Variants in KHDC1 observed in about 807,000 individuals in gnomAD.
KHDC1 encodes the protein KH homology domain-containing protein 1.
KHDC1 carries 21 observed loss-of-function variants against 24.7 expected under a neutral mutation model. That is an observed-to-expected ratio of 0.85 (90% confidence interval 0.60 to 1.23). The LOEUF is 1.23. Ranked by LOEUF, KHDC1 falls within the 50% of genes most tolerant of loss-of-function variation. KHDC1 has a pLI of 0.00. For missense variants in KHDC1, 274 were observed against 298.5 expected, an observed-to-expected ratio of 0.92 and a Z score of 0.61; for synonymous variants, 98 against 111.7, an observed-to-expected ratio of 0.88 and a Z score of 0.77.
intron 2 of KHDC1, chr6:73,276,612 A>T (rs1767304562): frequency 6.6e-6 from 1 of 152,072 alleles, no homozygotes; most frequent in Non-Finnish European, 1.5e-5. Flanking sequence ...GGCTGCAGTG[A>T]GCAGTGGTTG....
In KHDC1 at chr6:73,262,766, A is replaced by T; in HGVS notation, c.207-20236T>A. The stretch of plus-strand genomic sequence containing the variant: ...TAAGAAATGTGCAAGATCTAGATGA[A>T]GACCCACCAGATAGGATGCTCTCTT... On this transcript the variant is annotated intron_variant, in intron 2 of 4. Coordinates refer to ENST00000370384, the Ensembl canonical transcript of KHDC1. 1 of 985,500 alleles carries T rather than the reference A, an allele frequency of 1.0e-6. No homozygotes were observed. Among genetic ancestry groups the T allele is most frequent in the African/African-American group, 1.7e-5 (1 of 57,380 alleles). 61.0% of individuals were successfully genotyped at this position (985,500 alleles called of 1,614,324 possible). A position where few individuals can be genotyped will look rare whatever the true frequency, so the allele number is the denominator to read the frequency against.
intron 2 of KHDC1, among the ~76,000 whole-genome samples, chr6:73,282,585 A>G (rs941435047): frequency 4.6e-5 from 7 of 152,120 alleles, no homozygotes; most frequent in South Asian, 2.1e-4. Context: ...TAGAAATTAT[A>G]GTTTAGGAGT....
intron 2 of KHDC1, among the ~76,000 whole-genome samples, chr6:73,253,034 G>A (rs897744217): frequency 1.3e-5 from 2 of 151,860 alleles, no homozygotes; most frequent in Non-Finnish European, 2.9e-5. Context: ...CAAAACACAG[G>A]CATGAAAAAG....
intron 2 of KHDC1, among the ~76,000 whole-genome samples, chr6:73,256,460 G>A (rs760754911): frequency 5.3e-5 from 8 of 152,184 alleles, no homozygotes; most frequent in Non-Finnish European, 1.0e-4. Context: ...ACTCGCTCCA[G>A]GTTTAGACAT....
intron 2 of KHDC1, among the ~76,000 whole-genome samples, chr6:73,253,884 T>C (rs75149436): frequency 6.6e-6 from 1 of 152,070 alleles, no homozygotes; most frequent in African/African-American, 2.4e-5. Context: ...CCAGCTTGGG[T>C]GGCAGAGTGA....
chr6:73,255,372 C>T (rs1297697498), intron 2 of KHDC1, among the ~76,000 whole-genome samples: 2 of 150,892 alleles, frequency 1.3e-5, no homozygotes, highest in African/African-American at 2.4e-5. Flanking sequence ...GGGCACGCCA[C>T]CACGCCCAGA....
intron 2 of KHDC1, among the ~76,000 whole-genome samples, chr6:73,256,165 T>A (rs747702239): frequency 1.6e-4 from 25 of 152,194 alleles, no homozygotes; most frequent in Non-Finnish European, 2.8e-4. Flanking sequence ...CCTTTTTTAT[T>A]CAATATTAGA....
At chr6:73,305,813 C>T (rs946810669) in intron 1 of KHDC1, among the ~76,000 whole-genome samples, 5 of 152,096 alleles carry the variant, frequency 3.3e-5, no homozygotes, top group Non-Finnish European at 7.3e-5. Context: ...GAGCCCGCCA[C>T]CACACCCCGC....
At chr6:73,249,052 T>C (rs1047548744) in intron 2 of KHDC1, among the ~76,000 whole-genome samples, 1 of 152,170 alleles carries the variant, frequency 6.6e-6, no homozygotes. Context: ...ATCTTCTAGT[T>C]AGCTTTGTGT....
intron 2 of KHDC1, among the ~76,000 whole-genome samples, chr6:73,273,804 G>T (rs1767226267): frequency 6.6e-6 from 1 of 151,602 alleles, no homozygotes; most frequent in Non-Finnish European, 1.5e-5. Flanking sequence ...GGGCAACAGG[G>T]TAATACTCTG....
intron 2 of KHDC1, among the ~76,000 whole-genome samples, chr6:73,272,083 G>T (rs373385492): frequency 6.6e-6 from 1 of 151,302 alleles, no homozygotes; most frequent in South Asian, 2.1e-4. Context: ...TCATAGAAAA[G>T]CACAATTTGT....
At chr6:73,309,254 T>A (rs1430981909) in intron 1 of KHDC1, among the ~76,000 whole-genome samples, 6 of 152,212 alleles carry the variant, frequency 3.9e-5, no homozygotes, top group Non-Finnish European at 7.4e-5. Context: ...GATGGCCCCC[T>A]AGAGGAGCTG....
chr6:73,251,820 C>T (rs1355011013), intron 2 of KHDC1, among the ~76,000 whole-genome samples: 2 of 143,840 alleles, frequency 1.4e-5, no homozygotes, highest in Admixed American at 1.4e-4. Context: ...TTTAATGAGA[C>T]AGGGTGTCGT....
intron 2 of KHDC1, among the ~76,000 whole-genome samples, chr6:73,261,883 G>C (rs1766986684): frequency 1.3e-5 from 2 of 150,400 alleles, no homozygotes; most frequent in Non-Finnish European, 3.0e-5. Flanking sequence ...CTGCACTCCA[G>C]CCTGGGTGAC....
At chr6:73,270,084 G>A (rs481490) in intron 2 of KHDC1, 140,460 of 152,254 alleles carry the variant, frequency 0.92, 65,793 homozygotes, top group East Asian at 1. Context: ...CCTCAAATGG[G>A]TTTTTAATAG....
At chr6:73,268,048 T>C (rs905850082) in intron 2 of KHDC1, 2 of 157,162 alleles carry the variant, frequency 1.3e-5, no homozygotes, top group Non-Finnish European at 2.8e-5. Flanking sequence ...ATGTTGGTCA[T>C]GTGTCCGGAA....
intron 2 of KHDC1, chr6:73,290,514 C>CT (rs36033226): frequency 0.097 from 35,361 of 365,938 alleles, 1,084 homozygotes; most frequent in Non-Finnish European, 0.12. Flanking sequence ...ATATCATAAT[C>CT]TTTTTTTTTT....
At chr6:73,282,033 C>T (rs1767422887) in intron 2 of KHDC1, among the ~76,000 whole-genome samples, 1 of 151,846 alleles carries the variant, frequency 6.6e-6, no homozygotes, top group Non-Finnish European at 1.5e-5. Flanking sequence ...GCCTGGCCAA[C>T]ATGGTGGAAC....
chr6:73,242,552 T>C (rs747833849), intron 2 of KHDC1, 22 bp from the exon 2 acceptor site: 35 of 1,613,798 alleles, frequency 2.2e-5, no homozygotes, highest in South Asian at 2.0e-4. Context: ...TAGGGCCAAG[T>C]CCAAGCAACT....
Sources: gnomAD v4.1 joint callset for allele counts (sites outside exome capture counted in the v4.1 genomes callset) on GRCh38, gnomAD v4.1.1 for gene constraint, MANE v1.5 for transcripts, NCBI Gene and HGNC (gene_info 2026-07-23, HGNC 2026-07-21) for gene names.